NRXN1: variants seen among roughly 807,000 people sequenced by gnomAD.
The protein encoded by NRXN1 is neurexin 1, also known as neurexin-1.
NRXN1 carries 39 observed loss-of-function variants against 150.9 expected under a neutral mutation model. That is an observed-to-expected ratio of 0.26 (90% CI 0.20 to 0.34). NRXN1 has a LOEUF of 0.34. Among genes scored for constraint, NRXN1 ranks in the 10% least tolerant of loss-of-function variants. NRXN1 has a pLI of 1.00. For synonymous variants in NRXN1, 924 were observed against 757.0 expected (o/e 1.22, Z -3.62); for missense variants, 1,815 against 1,949.9 (o/e 0.93, Z 1.30).
At chr2:50,788,098 C>CTTTT in intron 5 of NRXN1, among the ~76,000 whole-genome samples, 1 of 144,764 alleles carries the variant, frequency 6.9e-6, no homozygotes, top group Non-Finnish European at 1.5e-5. Context: ...CCCTCGCCAC[C>CTTTT]TTTTTTTTTT....
chr2:50,814,863 C>A (rs1482264838), intron 5 of NRXN1, among the ~76,000 whole-genome samples: 1 of 152,078 alleles, frequency 6.6e-6, no homozygotes, highest in Non-Finnish European at 1.5e-5. Context: ...AAGCTGGACA[C>A]CATCTGTTTG....
At chr2:50,974,895 A>AT (rs1192552689) in intron 2 of NRXN1, among the ~76,000 whole-genome samples, 3 of 151,964 alleles carry the variant, frequency 2.0e-5, no homozygotes, top group Admixed American at 1.3e-4. Context: ...ATGTACTTGT[A>AT]TTTTCCATTC....
intron 3 of NRXN1, 84 bp downstream of exon 3, chr2:50,925,853 AC>A (rs1459807563): frequency 9.7e-7 from 1 of 1,029,798 alleles, no homozygotes; most frequent in Non-Finnish European, 1.5e-6. Context: ...AGTTCAACTT[AC>A]CATCTAACTT....
intron 5 of NRXN1, among the ~76,000 whole-genome samples, chr2:50,761,502 C>G (rs1701800500): frequency 6.6e-6 from 1 of 151,952 alleles, no homozygotes; most frequent in Admixed American, 6.6e-5. Context: ...ATTGTGAGGC[C>G]TCCCAGCCAT....
At chr2:50,320,914 C>T (rs1225253965) in intron 17 of NRXN1, among the ~76,000 whole-genome samples, 2 of 152,140 alleles carry the variant, frequency 1.3e-5, no homozygotes, top group African/African-American at 4.8e-5. Flanking sequence ...AATTTGCTGG[C>T]AGCACACACC....
chr2:50,944,645 A>T lies in NRXN1; in HGVS notation c.773-18690T>A, dbSNP rs186314974. Among the ~76,000 whole-genome samples the T allele has an allele frequency of 3.1e-3, 478 of 152,322 alleles. 5 individuals are homozygous for T. Among genetic ancestry groups the T allele is most frequent in the Non-Finnish European group, 1.7e-3 (114 of 68,024 alleles). Reference sequence around the variant, plus strand: ...TCTATCTGGCAAAAGGAAATTGTATACTGAGTAACAGCAAGAATCTGAATG... The same window carrying T: ...TCTATCTGGCAAAAGGAAATTGTATTCTGAGTAACAGCAAGAATCTGAATG... On this transcript the variant is annotated intron_variant, in intron 2 of 22. Transcript: ENST00000401669.
intron 2 of NRXN1, among the ~76,000 whole-genome samples, chr2:51,002,109 T>G (rs1029744469): frequency 6.6e-6 from 1 of 152,038 alleles, no homozygotes; most frequent in South Asian, 2.1e-4. Context: ...CAGGTTTAAC[T>G]ATTTTTTCAG....
chr2:50,609,268 T>C (rs566209134), intron 8 of NRXN1, among the ~76,000 whole-genome samples: 1 of 152,210 alleles, frequency 6.6e-6, no homozygotes, highest in South Asian at 2.1e-4. Context: ...TAGGGGTCAG[T>C]GTAAAATGAA....
intron 22 of NRXN1, among the ~76,000 whole-genome samples, chr2:49,922,768 T>C (rs1668448099): frequency 6.6e-6 from 1 of 152,196 alleles, no homozygotes; most frequent in Non-Finnish European, 1.5e-5. Flanking sequence ...AATCCATACA[T>C]TTTAACTGTC....
At chr2:50,567,768 C>T (rs1228964198) in intron 8 of NRXN1, among the ~76,000 whole-genome samples, 1 of 152,050 alleles carries the variant, frequency 6.6e-6, no homozygotes, top group African/African-American at 2.4e-5. Flanking sequence ...CTAGAATGCA[C>T]TACTAATTTT....
rs61190471 is a variant in NRXN1, at chr2:50,623,202, T to A, written c.1134+112A>T. 5.1e-3 allele frequency: 3,937 copies of A among 779,110 alleles called. 101 individuals carry two copies. In the African/African-American group the frequency reaches 0.059, roughly 12 times the overall value. 48.3% of individuals were successfully genotyped at this position (779,110 alleles called of 1,614,324 possible). Reference sequence around the variant, plus strand: ...CATCTCAGAAGAAGAAAAAGCTAATTTGCAAGTGACTCTGAGGAGCCCTGT... The same window carrying A: ...CATCTCAGAAGAAGAAAAAGCTAATATGCAAGTGACTCTGAGGAGCCCTGT... On this transcript the variant is annotated intron_variant, in intron 6 of 22. Transcript: ENST00000401669.
At chr2:50,565,810 T>TC (rs1171780685) in intron 8 of NRXN1, among the ~76,000 whole-genome samples, 1 of 152,138 alleles carries the variant, frequency 6.6e-6, no homozygotes, top group African/African-American at 2.4e-5. Context: ...ATAACTGTCA[T>TC]CAACTCCTCC....
intron 5 of NRXN1, among the ~76,000 whole-genome samples, chr2:50,876,491 G>T (rs144281686): frequency 6.6e-6 from 1 of 151,772 alleles, no homozygotes; most frequent in Non-Finnish European, 1.5e-5. Flanking sequence ...GAAAGCGAAG[G>T]TGAGTCAAGC....
chr2:50,465,360 G>T, intron 17 of NRXN1, 82 bp downstream of exon 17: 1 of 1,360,318 alleles, frequency 7.4e-7, no homozygotes, highest in South Asian at 1.6e-5. Context: ...TTAATATAAG[G>T]ACTTTCAGTG....
chr2:50,628,051 A>G (rs949317547), intron 5 of NRXN1, among the ~76,000 whole-genome samples: 4 of 151,912 alleles, frequency 2.6e-5, no homozygotes, highest in African/African-American at 7.2e-5. Flanking sequence ...ACTAAATTAT[A>G]AAGTTTTGGA....
At chr2:50,220,880 T>C (rs1418610750) in intron 18 of NRXN1, among the ~76,000 whole-genome samples, 2 of 152,000 alleles carry the variant, frequency 1.3e-5, no homozygotes, top group African/African-American at 4.8e-5. Context: ...ACAAAAGTTA[T>C]TGCTAGTTAT....
chr2:50,682,161 A>C (rs939787919), intron 5 of NRXN1, among the ~76,000 whole-genome samples: 4 of 152,184 alleles, frequency 2.6e-5, no homozygotes, highest in Non-Finnish European at 5.9e-5. Context: ...ATTAATTTTC[A>C]TCTTCTATGT....
intron 5 of NRXN1, among the ~76,000 whole-genome samples, chr2:50,856,551 G>A (rs1675298967): frequency 6.6e-6 from 1 of 151,982 alleles, no homozygotes; most frequent in South Asian, 2.1e-4. Context: ...GTGAAAATAT[G>A]TAAGATTTAT....
chr2:51,005,370 C>T lies in NRXN1; in HGVS notation c.772+22132G>A, dbSNP rs184750353. Among the ~76,000 whole-genome samples, 14 of 152,084 alleles carry T rather than the reference C, an allele frequency of 9.2e-5. No homozygotes were observed. The East Asian group carries it at 2.7e-3, about 30-fold the overall frequency. On this transcript the variant is annotated intron_variant, in intron 2 of 22. Coordinates refer to ENST00000401669, the MANE Select transcript of NRXN1 (RefSeq NM_001330078.2). ...TATATGTTTTATGTACAATGATGAG[C>T]TCAATGTGATCAGCATATCCATCAG...
Sources: allele counts gnomAD v4.1 joint callset (sites outside exome capture counted in the v4.1 genomes callset), GRCh38; gene constraint gnomAD v4.1.1; transcripts MANE v1.5; gene names NCBI Gene and HGNC (gene_info 2026-07-23, HGNC 2026-07-21).